The following DNAH11 variants were observed in gnomAD, a reference collection of about 807,000 sequenced individuals.
The protein encoded by DNAH11 is dynein axonemal heavy chain 11.
DNAH11 carries 442 observed loss-of-function variants against 526.0 expected under a neutral mutation model. That is an observed-to-expected ratio of 0.84 (90% confidence interval 0.78 to 0.91). The LOEUF is 0.91. DNAH11 is among the 40% of genes least tolerant of loss of function. The probability of loss-of-function intolerance (pLI) is 0.00; values close to 1 mark genes in which losing one functional copy is unlikely to be tolerated. For missense variants in DNAH11, 6,989 were observed against 5,448.7 expected, an observed-to-expected ratio of 1.28 and a Z score of -8.90; for synonymous variants, 2,461 against 1,935.9, an observed-to-expected ratio of 1.27 and a Z score of -7.12.
At chr7:21,713,618 T>C (rs557101053) in intron 42 of DNAH11, among the ~76,000 whole-genome samples, 1 of 152,282 alleles carries the variant, frequency 6.6e-6, no homozygotes, top group South Asian at 2.1e-4. Flanking sequence ...CCCACACTTC[T>C]GTGACTAGTC....
chr7:21,889,885 C>T (rs1230642224), intron 76 of DNAH11, among the ~76,000 whole-genome samples: 1 of 152,176 alleles, frequency 6.6e-6, no homozygotes, highest in Non-Finnish European at 1.5e-5. Flanking sequence ...GATTCAGCAT[C>T]AGGATTCACA....
chr7:21,844,936 C>A (rs888484179), intron 66 of DNAH11, among the ~76,000 whole-genome samples: 1 of 152,164 alleles, frequency 6.6e-6, no homozygotes, highest in Non-Finnish European at 1.5e-5. Flanking sequence ...CTGCAACATG[C>A]CAGGAGTGAG....
intron 54 of DNAH11, among the ~76,000 whole-genome samples, 178 bp downstream of exon 54, chr7:21,750,542 C>A (rs550852969): frequency 6.6e-6 from 1 of 152,328 alleles, no homozygotes; most frequent in South Asian, 2.1e-4. Context: ...TGATGCTGGG[C>A]TCCTGCAAAG....
At position 21,570,230 on chromosome 7, in the gene DNAH11, A is replaced by G. The variant is rs528310220; in HGVS notation, c.1356A>G (p.Pro452=). The G allele has an allele frequency of 4.3e-6, 7 of 1,613,386 alleles. No individual in the cohort carries two copies. In the Admixed American group the frequency reaches 6.7e-5, roughly 15 times the overall value. The change falls in exon 7 of 82, where the codon CCA becomes CCG. Residue 452 remains proline, a synonymous_variant. Transcript: ENST00000409508. ...ACTTTATGGGAAGAAAGCTGAGACC[A>G]TGGGATTTCCAGTCTCATCTGGTGT... The part of the protein sequence containing the change: ...ASYFMGRKLR[P]WDFQSHLVFC...
At chr7:21,624,532 A>G (rs1245242120) in intron 25 of DNAH11, among the ~76,000 whole-genome samples, 2 of 152,100 alleles carry the variant, frequency 1.3e-5, no homozygotes, top group African/African-American at 2.4e-5. Flanking sequence ...CTTCCTTTCC[A>G]TTTGAGTGCT....
At chr7:21,668,871 A>C (rs1295013541) in intron 30 of DNAH11, among the ~76,000 whole-genome samples, 1 of 152,198 alleles carries the variant, frequency 6.6e-6, no homozygotes. Context: ...TTGCTGGATC[A>C]CAGAGAAAGT....
chr7:21,844,356 C>A (rs1394445583), intron 66 of DNAH11, among the ~76,000 whole-genome samples: 1 of 152,190 alleles, frequency 6.6e-6, no homozygotes, highest in South Asian at 2.1e-4. Context: ...AACCCAGGGG[C>A]AGAGGTTGCA....
chr7:21,640,478 G>C (rs1787076656), intron 28 of DNAH11, among the ~76,000 whole-genome samples: 1 of 146,250 alleles, frequency 6.8e-6, no homozygotes, highest in Admixed American at 6.7e-5. Flanking sequence ...TTAGCAGAGA[G>C]GTACATAAAT....
At chr7:21,672,411 A>G (rs1440173171) in intron 30 of DNAH11, among the ~76,000 whole-genome samples, 2 of 152,184 alleles carry the variant, frequency 1.3e-5, no homozygotes, top group East Asian at 3.9e-4. Context: ...TCAGCCTCCC[A>G]AGTAGGTAGG....
chr7:21,563,908 C>T lies in DNAH11; in HGVS notation c.983-278C>T, dbSNP rs76772446. The stretch of plus-strand genomic sequence containing the variant: ...GGGTTGAGTAAATTTCTTTAGACTC[C>T]AGGGGTATTTTCCCCTTGGGTTTTC... On this transcript the variant is annotated intron_variant, in intron 5 of 81. Coordinates refer to ENST00000409508, the MANE Select transcript of DNAH11 (RefSeq NM_001277115.2). 2.6e-3 allele frequency among the ~76,000 whole-genome samples: 392 copies of T among 152,160 alleles called. 4 individuals are homozygous for T. The highest frequency in any genetic ancestry group is 2.9e-3 in the East Asian group (15 of 5,170).
At chr7:21,613,835 C>A (rs1437798607) in intron 20 of DNAH11, among the ~76,000 whole-genome samples, 1 of 152,140 alleles carries the variant, frequency 6.6e-6, no homozygotes, top group African/African-American at 2.4e-5. Context: ...AATTTCAACT[C>A]AGTGCAGCCT....
chr7:21,601,345 T>C, intron 17 of DNAH11, 51 bp from the exon 18 acceptor site: 1 of 1,540,464 alleles, frequency 6.5e-7, no homozygotes, highest in Non-Finnish European at 8.8e-7. Flanking sequence ...TACTGCTAAA[T>C]GTTTTAATAA....
chr7:21,843,000 A>G (rs1199726362), intron 66 of DNAH11, among the ~76,000 whole-genome samples: 1 of 152,216 alleles, frequency 6.6e-6, no homozygotes, highest in African/African-American at 2.4e-5. Flanking sequence ...AAAGAGGCAT[A>G]CGAGTCATGT....
intron 25 of DNAH11, among the ~76,000 whole-genome samples, chr7:21,627,806 G>T (rs1786413178): frequency 6.6e-6 from 1 of 152,070 alleles, no homozygotes; most frequent in Non-Finnish European, 1.5e-5. Context: ...TTCTATTTCT[G>T]TGGAAAAAAG....
intron 2 of DNAH11, among the ~76,000 whole-genome samples, chr7:21,553,449 C>T (rs1382921383): frequency 6.6e-6 from 1 of 152,076 alleles, no homozygotes; most frequent in African/African-American, 2.4e-5. Context: ...TGGTTGGTGA[C>T]TTAGGGAGGA....
At chr7:21,887,549 CTCTTAGCCTTGG>C (rs1161938901) in intron 76 of DNAH11, among the ~76,000 whole-genome samples, 16 of 152,194 alleles carry the variant, frequency 1.1e-4, no homozygotes, top group Admixed American at 3.9e-4. Context: ...AATTGACCCT[CTCTTAGCCTTGG>C]TTTCATAATC....
intron 66 of DNAH11, among the ~76,000 whole-genome samples, chr7:21,847,412 TTAAG>T (rs1464244975): frequency 6.6e-6 from 1 of 152,256 alleles, no homozygotes; most frequent in Non-Finnish European, 1.5e-5. Context: ...CAAAATATTT[TTAAG>T]TTTTTCTTGA....
intron 74 of DNAH11, among the ~76,000 whole-genome samples, chr7:21,876,485 C>T (rs1184377306): frequency 1.3e-5 from 2 of 152,150 alleles, no homozygotes; most frequent in Admixed American, 6.5e-5. Context: ...TTCCCATTGC[C>T]CTTTTATCAG....
Position 21,617,821 on chromosome 7 carries a change from A to G in DNAH11, c.4254+44A>G, listed in dbSNP as rs181754331. ...ACTAATGAACCTTTTTATGACTGTG[A>G]AGTGTTACTTCTTGGTTTGCATCAT... is the stretch of plus-strand genomic sequence containing the variant. On this transcript the variant is annotated intron_variant, in intron 23 of 81. Transcript: ENST00000409508. The G allele has an allele frequency of 1.4e-4, 215 of 1,505,138 alleles. No homozygotes were observed. The East Asian group carries it at 4.9e-3, about 34-fold the overall frequency. 93.2% of individuals were successfully genotyped at this position (1,505,138 alleles called of 1,614,324 possible). A position where few individuals can be genotyped will look rare whatever the true frequency, so the allele number is the denominator to read the frequency against.
Sources: gnomAD v4.1 joint callset for allele counts (sites outside exome capture counted in the v4.1 genomes callset) on GRCh38, gnomAD v4.1.1 for gene constraint, MANE v1.5 for transcripts, NCBI Gene and HGNC (gene_info 2026-07-23, HGNC 2026-07-21) for gene names.